The following ETV4 variants were observed in gnomAD, a reference collection of about 807,000 sequenced individuals.
ETV4 encodes the protein ETS variant transcription factor 4, also known as ETS translocation variant 4.
Under a neutral mutation model 65.9 loss-of-function variants are expected in ETV4, and 42 were observed. The ratio of observed to expected loss-of-function variants is 0.64; its 90% CI spans 0.50 to 0.82. The LOEUF (loss-of-function observed/expected upper bound fraction) is 0.82, where lower values mean the gene tolerates loss of function less well. Among genes scored for constraint, ETV4 ranks in the 40% least tolerant of loss-of-function variants. The pLI, the probability that ETV4 is intolerant of heterozygous loss-of-function variation, is 0.00. For synonymous variants in ETV4, 238 were observed against 260.0 expected, an observed-to-expected ratio of 0.92 and a Z score of 0.81; for missense variants, 583 against 630.3, an observed-to-expected ratio of 0.92 and a Z score of 0.80.
chr17:43,545,194 CGTGTGTGTGTGTGTGTGTGT>C (rs34640745), intron 3 of ETV4, 60 bp downstream of exon 3: 103 of 636,766 alleles, frequency 1.6e-4, no homozygotes, highest in Non-Finnish European at 2.4e-4. Context: ...CAGAATCGGC[CGTGTGTGTGTGTGTGTGTGT>C]GTGTGTGTGT....
At position 43,533,964 on chromosome 17, in the gene ETV4, G is replaced by A; in HGVS notation, c.278C>T (p.Thr93Ile). The A allele has an allele frequency of 6.5e-7, 1 of 1,538,564 alleles. No homozygotes were observed. The highest frequency in any genetic ancestry group is 1.3e-5 in the South Asian group (1 of 76,670). The change falls in exon 6 of 13, where the codon ACC becomes ATC. Residue 93 changes from threonine to isoleucine, a missense_variant. Transcript: ENST00000319349. ...SENLAFHSPT[T>I]RIKKEPQSPR... is the part of the protein sequence containing the mutation. ...ACTCTGGGGCTCCTTCTTGATCCTG[G>A]TGGTGGGGCTGTGGAAAGCTACTGT... is the stretch of plus-strand genomic sequence containing the variant.
rs1337666828 is a variant in ETV4, at chr17:43,546,289, CG to C, written c.-157del. 6.6e-6 allele frequency: 1 copy of C among 152,178 alleles called. No individual in the cohort carries two copies. Among genetic ancestry groups the C allele is most frequent in the Non-Finnish European group, 1.5e-5 (1 of 68,132 alleles). 9.4% of individuals were successfully genotyped at this position (152,178 alleles called of 1,614,324 possible). Reference sequence around the variant, plus strand: ...GGCCGGAGTAAGGCGGCCCCGGCCCCGGGTCCCCAGCGCACCGACTTGTTTT... The same window carrying C: ...GGCCGGAGTAAGGCGGCCCCGGCCCCGGTCCCCAGCGCACCGACTTGTTTT... On this transcript the variant is annotated 5_prime_UTR_variant, in exon 1 of 13. Transcript: ENST00000319349.
intron 8 of ETV4, among the ~76,000 whole-genome samples, chr17:43,531,621 T>C (rs888372405): frequency 6.6e-6 from 1 of 152,158 alleles, no homozygotes; most frequent in Non-Finnish European, 1.5e-5. Flanking sequence ...TGAGAATCGC[T>C]TGAACCCAGT....
intron 4 of ETV4, among the ~76,000 whole-genome samples, chr17:43,541,532 G>A (rs1471918111): frequency 1.3e-5 from 2 of 152,070 alleles, no homozygotes; most frequent in African/African-American, 4.8e-5. Flanking sequence ...TTTCAAAAAG[G>A]GGGGTTAGTA....
chr17:43,535,028 A>G (rs765465674), intron 5 of ETV4, among the ~76,000 whole-genome samples: 6 of 152,138 alleles, frequency 3.9e-5, no homozygotes, highest in African/African-American at 4.8e-5. Flanking sequence ...CATTATACAC[A>G]TGCTCCTACT....
chr17:43,532,570 G>T, intron 8 of ETV4, 104 bp downstream of exon 8: 2 of 1,033,912 alleles, frequency 1.9e-6, no homozygotes, highest in African/African-American at 1.6e-5. Context: ...TGGGTGGGTT[G>T]GATGTATGAA....
intron 4 of ETV4, 42 bp downstream of exon 4, chr17:43,544,933 T>C (rs369258730): frequency 1.7e-5 from 27 of 1,595,996 alleles, no homozygotes; most frequent in Non-Finnish European, 2.3e-5. Flanking sequence ...AGTGTCCCCC[T>C]GTCCAGCCTC....
Position 43,545,658 on chromosome 17 carries a change from G to T in ETV4, c.-41C>A. On this transcript the variant is annotated 5_prime_UTR_variant, in exon 2 of 13. Coordinates refer to ENST00000319349, the MANE Select transcript of ETV4 (RefSeq NM_001079675.5). Reference sequence around the variant, plus strand: ...GGCCGCACGGCCGGGGCCCCAAGCGGGGGCCGAGACCTGGTGGGGGAGGGG... The same window carrying T: ...GGCCGCACGGCCGGGGCCCCAAGCGTGGGCCGAGACCTGGTGGGGGAGGGG... 1 of 1,543,562 alleles carries T rather than the reference G, an allele frequency of 6.5e-7. No homozygotes were observed.
At position 43,537,403 on chromosome 17, in the gene ETV4, TA is replaced by T. The variant is rs1364969413; in HGVS notation, c.203-925del. ...AAATTAAATAATAAATAAAATCACATAGGGGGGTGGCTGGGCGCAGTGGTTC... is the reference window on the plus strand; with the variant it reads ...AAATTAAATAATAAATAAAATCACATGGGGGGTGGCTGGGCGCAGTGGTTC... On this transcript the variant is annotated intron_variant, in intron 4 of 12. Transcript: ENST00000319349. Among the ~76,000 whole-genome samples the T allele has an allele frequency of 1.1e-4, 16 of 149,660 alleles. No individual in the cohort carries two copies. The East Asian group carries it at 2.0e-3, about 19-fold the overall frequency.
intron 5 of ETV4, among the ~76,000 whole-genome samples, chr17:43,534,359 T>G (rs1971121916): frequency 6.6e-6 from 1 of 151,692 alleles, no homozygotes; most frequent in Non-Finnish European, 1.5e-5. Context: ...CCGGGGATGG[T>G]GGCGGATGCC....
chr17:43,530,926 A>G (rs570639674), intron 8 of ETV4, among the ~76,000 whole-genome samples: 3 of 152,200 alleles, frequency 2.0e-5, no homozygotes, highest in South Asian at 2.1e-4. Flanking sequence ...CATTTTGTGA[A>G]TGGAATTCCT....
chr17:43,540,131 G>C (rs541186306), intron 4 of ETV4, among the ~76,000 whole-genome samples: 12 of 152,146 alleles, frequency 7.9e-5, no homozygotes, highest in Admixed American at 7.2e-4. Context: ...AAACTGGCCT[G>C]ATTCAAGAGT....
rs2154587097 is a variant in ETV4, at chr17:43,532,860, A to G, written c.625T>C (p.Tyr209His). ...CAGGGCTCCGACAGCTGGTGTTGGT[A>G]GGGGGCTGGGAGGGGTTCCCGGCCC... ...GGGREPLPAP[Y>H]QHQLSEPCPP... Residue 209 changes from tyrosine (Y) to histidine (H), a missense_variant, in exon 8 of 13, where the codon TAC becomes CAC. By Grantham distance (83) the Tyr-to-His change is moderately conservative. Coordinates refer to ENST00000319349, the MANE Select transcript of ETV4 (RefSeq NM_001079675.5). 6.2e-7 allele frequency: 1 copy of G among 1,613,120 alleles called. No individual in the cohort carries two copies. Among genetic ancestry groups the G allele is most frequent in the Non-Finnish European group, 8.5e-7 (1 of 1,179,336 alleles).
At chr17:43,529,789 T>C in intron 10 of ETV4, 95 bp downstream of exon 10, 2 of 1,598,536 alleles carry the variant, frequency 1.3e-6, no homozygotes, top group Non-Finnish European at 1.7e-6. Flanking sequence ...TTTCTATGGG[T>C]CCCACCCTCT....
At position 43,536,138 on chromosome 17, in the gene ETV4, A is replaced by G. The variant is rs567802890; in HGVS notation, c.256+288T>C. On this transcript the variant is annotated intron_variant, in intron 5 of 12. Coordinates refer to ENST00000319349, the MANE Select transcript of ETV4 (RefSeq NM_001079675.5). ...GGGGAAAACAAACAAACAAACAAAC[A>G]AACAACACTAGAACTGGACTCTGCT... Among the ~76,000 whole-genome samples the G allele has an allele frequency of 3.5e-3, 534 of 152,290 alleles. 3 individuals carry two copies. The highest frequency in any genetic ancestry group is 0.012 in the African/African-American group (507 of 41,550).
At chr17:43,544,731 G>A (rs763102404) in intron 4 of ETV4, 71 of 464,710 alleles carry the variant, frequency 1.5e-4, no homozygotes, top group Non-Finnish European at 2.6e-4. Flanking sequence ...ACAATGGTCT[G>A]ATTCATCCTC....
At chr17:43,540,164 C>T (rs1971450010) in intron 4 of ETV4, among the ~76,000 whole-genome samples, 1 of 152,162 alleles carries the variant, frequency 6.6e-6, no homozygotes, top group African/African-American at 2.4e-5. Context: ...GTTAAAAACA[C>T]GATTACAGCC....
At chr17:43,545,858 C>T (rs1177341692) in intron 1 of ETV4, 190 bp from the exon 2 acceptor site, 2 of 596,074 alleles carry the variant, frequency 3.4e-6, no homozygotes, top group Non-Finnish European at 6.0e-6. Context: ...AAGGAGGTCC[C>T]ACCTGCTCCC....
chr17:43,538,194 C>T (rs1326837333), intron 4 of ETV4, among the ~76,000 whole-genome samples: 1 of 150,808 alleles, frequency 6.6e-6, no homozygotes, highest in African/African-American at 2.4e-5. Flanking sequence ...GTAATCCCAA[C>T]TATTCCGGAG....
Sources: allele counts gnomAD v4.1 joint callset (sites outside exome capture counted in the v4.1 genomes callset), GRCh38; gene constraint gnomAD v4.1.1; transcripts MANE v1.5; gene names NCBI Gene and HGNC (gene_info 2026-07-23, HGNC 2026-07-21).